AUNIP: variants seen among roughly 807,000 people sequenced by gnomAD.
The protein encoded by AUNIP is aurora kinase A and ninein interacting protein, also known as aurora kinase A- and ninein-interacting protein.
Under a neutral mutation model 12.2 loss-of-function variants are expected in AUNIP, and 16 were observed. The ratio of observed to expected loss-of-function variants is 1.31; its 90% CI spans 0.88 to 1.99. The LOEUF (loss-of-function observed/expected upper bound fraction) is 1.99. Ranked by LOEUF, AUNIP falls within the 30% of genes most tolerant of loss-of-function variation. AUNIP has a pLI of 0.00. For missense variants in AUNIP, 411 were observed against 419.1 expected, an observed-to-expected ratio of 0.98 and a Z score of 0.17; for synonymous variants, 142 against 154.8, an observed-to-expected ratio of 0.92 and a Z score of 0.61.
intron 1 of AUNIP, among the ~76,000 whole-genome samples, chr1:25,841,767 G>A (rs773707261): frequency 2.6e-4 from 40 of 152,062 alleles, no homozygotes; most frequent in Non-Finnish European, 3.1e-4. Context: ...CTCGTGATCC[G>A]CCCGCCTCGG....
intron 1 of AUNIP, among the ~76,000 whole-genome samples, chr1:25,859,053 ACCC>A (rs1055864527): frequency 1.3e-5 from 2 of 149,402 alleles, no homozygotes; most frequent in Non-Finnish European, 3.0e-5. Flanking sequence ...GCTCCTCCAG[ACCC>A]CCCAACAGCA....
chr1:25,851,577 A>C (rs1225815612), intron 1 of AUNIP, among the ~76,000 whole-genome samples: 1 of 152,226 alleles, frequency 6.6e-6, no homozygotes, highest in Non-Finnish European at 1.5e-5. Context: ...AATTGAACTG[A>C]AAGTCCAGAA....
chr1:25,833,110 C>T (rs1362009499), downstream of AUNIP, among the ~76,000 whole-genome samples: 1 of 152,014 alleles, frequency 6.6e-6, no homozygotes, highest in African/African-American at 2.4e-5. Context: ...AGAGATTTTG[C>T]CCTATACTCT....
rs1319349101 is a variant in AUNIP at position 25,835,511 on chromosome 1, C to G, written c.556G>C (p.Asp186His). 1.9e-6 allele frequency: 3 copies of G among 1,614,210 alleles called. No individual in the cohort carries two copies. The South Asian group carries it at 3.3e-5, about 18-fold the overall frequency. Residue 186 changes from aspartate (D) to histidine (H), a missense_variant, in exon 3 of 3, where the codon GAC becomes CAC. Coordinates refer to ENST00000374298, the MANE Select transcript of AUNIP (RefSeq NM_024037.3). ...GAATCCCCTTTTTCTTCCTTTCGGTCTAGCAAACAAGAACTTTCCAAGTCC... is the reference window on the plus strand; with the variant it reads ...GAATCCCCTTTTTCTTCCTTTCGGTGTAGCAAACAAGAACTTTCCAAGTCC... ...TEDLESSCLL[D>H]RKEEKGDSAR...
Position 25,837,389 on chromosome 1 carries a change from G to A in AUNIP, c.220+24C>T, listed in dbSNP as rs763380464. The A allele has an allele frequency of 3.7e-6, 6 of 1,605,326 alleles. No homozygotes were observed. In the African/African-American group the frequency reaches 4.0e-5, roughly 11 times the overall value. ...CTCCTTTTTTGCTCTGGATAATGAA[G>A]TATTCCCATATGGGTCACCATACCT... On this transcript the variant is annotated intron_variant, in intron 2 of 2. Transcript: ENST00000374298.
chr1:25,854,741 T>C (rs1045653619), intron 1 of AUNIP, among the ~76,000 whole-genome samples: 4 of 152,080 alleles, frequency 2.6e-5, no homozygotes, highest in African/African-American at 4.8e-5. Context: ...TCTAGTGAGG[T>C]TGCATTCAAA....
chr1:25,836,527 A>G (rs956100468), intron 2 of AUNIP, among the ~76,000 whole-genome samples: 4 of 152,240 alleles, frequency 2.6e-5, no homozygotes, highest in African/African-American at 9.6e-5. Context: ...GATGGAGGAC[A>G]TGGAATTCCC....
At chr1:25,837,641 A>G in intron 1 of AUNIP, 87 bp from the exon 2 acceptor site, 2 of 1,367,276 alleles carry the variant, frequency 1.5e-6, no homozygotes, top group South Asian at 2.7e-5. Flanking sequence ...TGATCCTCTG[A>G]GAACCACACT....
intron 1 of AUNIP, among the ~76,000 whole-genome samples, chr1:25,849,231 TTTC>T (rs1193313040): frequency 1.3e-5 from 2 of 152,234 alleles, no homozygotes; most frequent in African/African-American, 2.4e-5. Flanking sequence ...ACAAAGCGTC[TTTC>T]TTTTCATTTT....
chr1:25,832,636 C>A (rs1240346658), downstream of AUNIP: 1 of 166,874 alleles, frequency 6.0e-6, no homozygotes, highest in Non-Finnish European at 1.3e-5. Flanking sequence ...TTCTTAAACA[C>A]ATTTTATATT....
In AUNIP at chr1:25,847,950, T is replaced by C. The variant is rs761988206; in HGVS notation, c.79-10396A>G. On this transcript the variant is annotated intron_variant, in intron 1 of 2. Coordinates refer to ENST00000374298, the MANE Select transcript of AUNIP (RefSeq NM_024037.3). This position sits in a 1 kb window ranked among gnomAD's most constrained non-coding sequence, Gnocchi z 4.2. ...ACAGAGTGAGACCCTGTCTCAAAAA[T>C]AAAATAAAATAAACAACTAAAAATA... 6.6e-6 allele frequency among the ~76,000 whole-genome samples: 1 copy of C among 151,702 alleles called. No individual in the cohort carries two copies. The highest frequency in any genetic ancestry group is 1.5e-5 in the Non-Finnish European group (1 of 67,920).
Position 25,835,440 on chromosome 1 carries a change from CT to C in AUNIP, c.626del (p.Gln209ArgfsTer18). ...EWLHESKKNYQSMEKHTKLPG... is the reference protein window; with the variant it reads ...EWLHESKKNYXSMEKHTKLPG... The stretch of plus-strand genomic sequence containing the variant: ...GTAGTTTGGTGTGTTTCTCCATACT[CT>C]GATAGTTCTTCTTAGACTCATGAAG... On this transcript the variant is annotated frameshift_variant, in exon 3 of 3. Coordinates refer to ENST00000374298, the MANE Select transcript of AUNIP (RefSeq NM_024037.3). LOFTEE classifies it low-confidence loss of function (END_TRUNC). The C allele has an allele frequency of 6.2e-7, 1 of 1,614,252 alleles. No homozygotes were observed. Among genetic ancestry groups the C allele is most frequent in the Non-Finnish European group, 8.5e-7 (1 of 1,180,056 alleles).
chr1:25,857,808 A>G (rs2048474816), intron 1 of AUNIP, among the ~76,000 whole-genome samples: 1 of 150,752 alleles, frequency 6.6e-6, no homozygotes, highest in African/African-American at 2.4e-5. Context: ...GGTTGCAGTG[A>G]GCTTAGATCG....
intron 1 of AUNIP, among the ~76,000 whole-genome samples, chr1:25,854,611 G>C (rs766015452): frequency 3.4e-5 from 5 of 147,280 alleles, no homozygotes; most frequent in Middle Eastern, 6.8e-3. Context: ...TGTTCAAAAA[G>C]GGGGAGATAA....
At chr1:25,851,637 G>A (rs1270735355) in intron 1 of AUNIP, among the ~76,000 whole-genome samples, 1 of 152,126 alleles carries the variant, frequency 6.6e-6, no homozygotes, top group East Asian at 1.9e-4. Flanking sequence ...TTCTTCTTGA[G>A]GCAAGTTTGG....
intron 2 of AUNIP, 32 bp downstream of exon 2, chr1:25,837,381 A>G: frequency 6.3e-7 from 1 of 1,596,460 alleles, no homozygotes; most frequent in Non-Finnish European, 8.5e-7. Flanking sequence ...TTTGCTCTGG[A>G]TAATGAAGTA....
chr1:25,856,967 G>C (rs2048466690), intron 1 of AUNIP, among the ~76,000 whole-genome samples: 1 of 151,876 alleles, frequency 6.6e-6, no homozygotes, highest in Admixed American at 6.6e-5. Context: ...TACAAAAAAT[G>C]AGCTGGGCTT....
chr1:25,856,410 G>A (rs935035507), intron 1 of AUNIP, among the ~76,000 whole-genome samples: 4 of 151,252 alleles, frequency 2.6e-5, no homozygotes, highest in South Asian at 2.1e-4. Flanking sequence ...TAGGCTGGGC[G>A]TAGTGGCTCA....
chr1:25,838,562 G>A (rs942253209), intron 1 of AUNIP, among the ~76,000 whole-genome samples: 2 of 151,990 alleles, frequency 1.3e-5, no homozygotes, highest in Non-Finnish European at 2.9e-5. Context: ...GGCTTACACA[G>A]TTCCCGGCAC....
Sources: gnomAD v4.1 joint callset for allele counts (sites outside exome capture counted in the v4.1 genomes callset) on GRCh38, gnomAD v4.1.1 for gene constraint, Gnocchi (gnomAD v3.1) non-coding constraint, MANE v1.5 for transcripts, NCBI Gene and HGNC (gene_info 2026-07-23, HGNC 2026-07-21) for gene names.